The following SHISA9 variants were observed in gnomAD, a reference collection of about 807,000 sequenced individuals.
SHISA9 encodes protein shisa-9.
In SHISA9, 13 loss-of-function variants were observed where a neutral mutation model predicts 38.0. The observed-to-expected ratio is 0.34, with a 90% CI of 0.22 to 0.54. The LOEUF is 0.54. Ranked by LOEUF, SHISA9 falls within the 20% of genes least tolerant of loss-of-function variation. The pLI, the probability that SHISA9 is intolerant of heterozygous loss-of-function variation, is 0.91. For synonymous variants in SHISA9, 275 were observed against 242.0 expected (o/e 1.14, Z -1.27); for missense variants, 538 against 575.8 (o/e 0.93, Z 0.67).
At chr16:13,555,791 G>A in the SHISA9 span, among the ~76,000 whole-genome samples, 19 of 152,164 alleles carry the variant, frequency 1.2e-4, no homozygotes, top group Admixed American at 1.2e-3. Context: ...ATGGAGGGAA[G>A]TGGAAAGGTA....
the SHISA9 span, among the ~76,000 whole-genome samples, chr16:13,539,139 A>AT: frequency 6.6e-6 from 1 of 150,734 alleles, no homozygotes; most frequent in Non-Finnish European, 1.5e-5. Flanking sequence ...TTATTTTTCT[A>AT]TTTTTTTGAG....
chr16:13,489,208 C>T, the SHISA9 span, among the ~76,000 whole-genome samples: 5 of 152,168 alleles, frequency 3.3e-5, no homozygotes, highest in East Asian at 1.9e-4. Context: ...CCACCACACC[C>T]GGCTAATTTT....
At chr16:13,372,194 AC>A in the SHISA9 span, among the ~76,000 whole-genome samples, 1 of 152,186 alleles carries the variant, frequency 6.6e-6, no homozygotes, top group Non-Finnish European at 1.5e-5. Context: ...CCCCAATCAG[AC>A]TTTGAAAGTC....
Position 13,114,618 on chromosome 16 carries a change from A to C in SHISA9, c.692-88776A>C, listed in dbSNP as rs572841177. ...ATTGCTTTAACATAAGAATGAATAC[A>C]TTACAGATAATGTTTAAATTTCCTC... is the stretch of plus-strand genomic sequence containing the variant. On this transcript the variant is annotated intron_variant, in intron 2 of 4. Coordinates refer to ENST00000558583, the MANE Select transcript of SHISA9 (RefSeq NM_001145204.3). Among the ~76,000 whole-genome samples the C allele has an allele frequency of 4.6e-5, 7 of 152,232 alleles. No homozygotes were observed. In the East Asian group the frequency reaches 1.3e-3, roughly 29 times the overall value.
chr16:13,273,305 C>A, the SHISA9 span, among the ~76,000 whole-genome samples: 285 of 152,264 alleles, frequency 1.9e-3, 2 homozygotes, highest in Non-Finnish European at 2.9e-3. Context: ...GTTGCTTAAC[C>A]CCTGATATGG....
At chr16:13,004,334 C>T (rs1209907542) in intron 2 of SHISA9, among the ~76,000 whole-genome samples, 1 of 152,164 alleles carries the variant, frequency 6.6e-6, no homozygotes, top group Non-Finnish European at 1.5e-5. Context: ...TGCCTGAGGG[C>T]CAGATCAGTG....
the SHISA9 span, among the ~76,000 whole-genome samples, chr16:13,461,029 C>A: frequency 2.6e-5 from 4 of 152,206 alleles, no homozygotes; most frequent in Admixed American, 2.6e-4. Flanking sequence ...CTCAACATGT[C>A]ATTTATCCAA....
chr16:13,046,344 T>C (rs1212221831), intron 2 of SHISA9, among the ~76,000 whole-genome samples: 2 of 152,224 alleles, frequency 1.3e-5, no homozygotes, highest in Admixed American at 1.3e-4. Context: ...AGTCTGGATA[T>C]GGGTTTCAGG....
the SHISA9 span, among the ~76,000 whole-genome samples, chr16:13,437,655 G>C: frequency 0.46 from 69,720 of 151,772 alleles, 17,083 homozygotes; most frequent in African/African-American, 0.63. Context: ...AATTCCCTCT[G>C]CTGTGAACTC....
At position 13,200,512 on chromosome 16, in the gene SHISA9, T is replaced by G. The variant is rs529363698; in HGVS notation, c.692-2882T>G. On this transcript the variant is annotated intron_variant, in intron 2 of 4. Transcript: ENST00000558583. ...AAGCCATTTCCCACAGGACCAATAC[T>G]TGGGAACAAAACATGGCTGGCCTGA... Among the ~76,000 whole-genome samples, 253 of 151,392 alleles carry G rather than the reference T, an allele frequency of 1.7e-3. 2 individuals are homozygous for G. The highest frequency in any genetic ancestry group is 5.7e-3 in the Admixed American group (86 of 15,220).
At chr16:13,255,531 C>T in the SHISA9 span, among the ~76,000 whole-genome samples, 2 of 152,170 alleles carry the variant, frequency 1.3e-5, no homozygotes, top group South Asian at 4.1e-4. Context: ...AAAAAAAGTA[C>T]CATTCAAGTT....
intron 2 of SHISA9, among the ~76,000 whole-genome samples, chr16:13,003,366 C>T (rs972903780): frequency 2.6e-5 from 4 of 152,182 alleles, no homozygotes; most frequent in Admixed American, 6.5e-5. Flanking sequence ...TCTCTGCCCT[C>T]GGAGACTTTG....
chr16:13,104,711 TA>T (rs1200692048), intron 2 of SHISA9, among the ~76,000 whole-genome samples: 8 of 150,446 alleles, frequency 5.3e-5, no homozygotes, highest in Admixed American at 2.0e-4. Context: ...AGGTGAAGAT[TA>T]ACAGCAAATG....
At chr16:13,055,725 C>G (rs1250706802) in intron 2 of SHISA9, among the ~76,000 whole-genome samples, 1 of 152,168 alleles carries the variant, frequency 6.6e-6, no homozygotes, top group South Asian at 2.1e-4. Flanking sequence ...CAGGGAAACA[C>G]TAAAATGCAT....
chr16:13,125,270 GA>G (rs1189570136), intron 2 of SHISA9, among the ~76,000 whole-genome samples: 1 of 152,098 alleles, frequency 6.6e-6, no homozygotes, highest in African/African-American at 2.4e-5. Context: ...AACTCTATAG[GA>G]ATAAAACTAA....
the SHISA9 span, among the ~76,000 whole-genome samples, chr16:13,519,060 G>A: frequency 4.7e-3 from 708 of 152,142 alleles, 6 homozygotes; most frequent in African/African-American, 4.4e-3. Context: ...TGCTTTTGTG[G>A]AGACAAATTC....
At chr16:13,060,937 C>T (rs545178866) in intron 2 of SHISA9, among the ~76,000 whole-genome samples, 2 of 152,122 alleles carry the variant, frequency 1.3e-5, no homozygotes, top group African/African-American at 2.4e-5. Context: ...GACTGAGGGC[C>T]GCATGGGGTC....
the SHISA9 span, among the ~76,000 whole-genome samples, chr16:13,542,300 A>G: frequency 6.6e-6 from 1 of 152,224 alleles, no homozygotes; most frequent in Non-Finnish European, 1.5e-5. Context: ...GCAGTCCCAG[A>G]AAGCTATAAC....
At chr16:13,367,437 C>G in the SHISA9 span, among the ~76,000 whole-genome samples, 6 of 151,180 alleles carry the variant, frequency 4.0e-5, no homozygotes, top group African/African-American at 1.5e-4. Flanking sequence ...AGTGAAAAGA[C>G]GGAAATATTA....
Sources: allele counts gnomAD v4.1 joint callset (sites outside exome capture counted in the v4.1 genomes callset), GRCh38; gene constraint gnomAD v4.1.1; transcripts MANE v1.5; gene names NCBI Gene and HGNC (gene_info 2026-07-23, HGNC 2026-07-21).